Variants in C6orf62 observed in about 807,000 individuals in gnomAD.
C6orf62 encodes uncharacterized protein C6orf62.
Under a neutral mutation model 26.8 loss-of-function variants are expected in C6orf62, and 16 were observed. The observed-to-expected ratio is 0.60, with a 90% CI of 0.40 to 0.91. The LOEUF is 0.91. C6orf62 is among the 40% of genes least tolerant of loss of function. C6orf62 has a pLI of 0.00. For missense variants in C6orf62, 192 were observed against 271.4 expected (o/e 0.71, Z 2.06); for synonymous variants, 112 against 91.5 (o/e 1.22, Z -1.28).
intron 1 of C6orf62, among the ~76,000 whole-genome samples, chr6:24,717,912 T>C (rs1779266135): frequency 6.6e-6 from 1 of 152,212 alleles, no homozygotes; most frequent in Non-Finnish European, 1.5e-5. Flanking sequence ...CGGAACTAAT[T>C]CTGATTAAGA....
chr6:24,706,310 G>A (rs762458792), intron 4 of C6orf62, 48 bp from the exon 5 acceptor site: 41 of 1,601,480 alleles, frequency 2.6e-5, no homozygotes, highest in Middle Eastern at 1.7e-4. Context: ...AGACTTTAGC[G>A]TAACTGTCAC....
In C6orf62 at chr6:24,708,883, T is replaced by C; in HGVS notation, c.458A>G (p.Tyr153Cys). 3.7e-6 allele frequency: 6 copies of C among 1,614,170 alleles called. No individual in the cohort carries two copies. Among genetic ancestry groups the C allele is most frequent in the South Asian group, 1.1e-5 (1 of 91,076 alleles). ...QAKFEFHHGD[Y>C]EKQFLHVLSR... is the part of the protein sequence containing the mutation. ...CAGTACATGCAGAAACTGTTTTTCATAGTCACCATGATGAAACTCAAATTT... is the reference window on the plus strand; with the variant it reads ...CAGTACATGCAGAAACTGTTTTTCACAGTCACCATGATGAAACTCAAATTT... The change falls in exon 4 of 5, where the codon TAT becomes TGT. Residue 153 changes from tyrosine to cysteine, a missense_variant. Tyr to Cys is a radical substitution (Grantham distance 194, BLOSUM62 -2). Coordinates refer to ENST00000378119, the MANE Select transcript of C6orf62 (RefSeq NM_030939.5).
chr6:24,712,986 C>T (rs533174326), intron 3 of C6orf62, among the ~76,000 whole-genome samples: 1 of 152,318 alleles, frequency 6.6e-6, no homozygotes, highest in East Asian at 1.9e-4. Context: ...TTTTCTATTC[C>T]TGTTTTCATG....
intron 3 of C6orf62, among the ~76,000 whole-genome samples, chr6:24,713,772 T>C (rs972659605): frequency 6.6e-6 from 1 of 152,218 alleles, no homozygotes; most frequent in African/African-American, 2.4e-5. Context: ...AGGTTCAACA[T>C]GAGTAAATGC....
intron 4 of C6orf62, among the ~76,000 whole-genome samples, chr6:24,707,430 AC>A (rs764353134): frequency 8.6e-5 from 13 of 150,542 alleles, no homozygotes; most frequent in Non-Finnish European, 1.8e-4. Flanking sequence ...GCCATGGCTC[AC>A]TGCAACTCTA....
upstream of C6orf62, chr6:24,719,415 T>C: frequency 9.7e-7 from 1 of 1,030,808 alleles, no homozygotes; most frequent in Non-Finnish European, 1.2e-6. Flanking sequence ...TTCCCTGCAA[T>C]CAACTACAGT....
upstream of C6orf62, chr6:24,719,588 A>G: frequency 1.4e-6 from 2 of 1,383,240 alleles, no homozygotes; most frequent in Non-Finnish European, 1.9e-6. Flanking sequence ...ATAATACGGT[A>G]TTAATTATTC....
chr6:24,718,726 TTTC>T lies in C6orf62; in HGVS notation c.-61_-59del, dbSNP rs1779289533. On this transcript the variant is annotated 5_prime_UTR_variant, in exon 1 of 5. Coordinates refer to ENST00000378119, the MANE Select transcript of C6orf62 (RefSeq NM_030939.5). ...AATTGTCACTAAACTATGGGCACTT[TTTC>T]TTAAGACTCAAGTACAACAGAAACA... 24 of 1,598,234 alleles carry T rather than the reference TTTC, an allele frequency of 1.5e-5. No homozygotes were observed. Among genetic ancestry groups the T allele is most frequent in the Non-Finnish European group, 2.0e-5 (24 of 1,176,594 alleles).
intron 1 of C6orf62, 83 bp from the exon 2 acceptor site, chr6:24,716,407 T>C (rs1779231833): frequency 1.8e-5 from 17 of 956,826 alleles, no homozygotes. Context: ...TCATGTAACA[T>C]TAACTCCACA....
rs112053740 is a variant in C6orf62 at position 24,714,340 on chromosome 6, T to C, written c.407A>G (p.Asp136Gly). ...CLLFSRWKES[D>G]EPFRPVQAKF... ...TACCTGAACAGGCCTAAAAGGCTCA[T>C]CAGATTCTTTCCACCTAGAAAACAG... Residue 136 changes from aspartate to glycine, a missense_variant, in exon 3 of 5, where the codon GAT (aspartate) becomes GGT (glycine). Asp to Gly is a moderately conservative substitution (Grantham distance 94). Coordinates refer to ENST00000378119, the MANE Select transcript of C6orf62 (RefSeq NM_030939.5). 6.2e-7 allele frequency: 1 copy of C among 1,610,882 alleles called. No homozygotes were observed. The highest frequency in any genetic ancestry group is 8.5e-7 in the Non-Finnish European group (1 of 1,179,078).
chr6:24,714,263 A>AGTAGTTACTAGAAAAC lies in C6orf62; in HGVS notation c.429+54_429+55insGTTTTCTAGTAACTAC, dbSNP rs1160679478. ...AGAATTTCTCAAGTTAGACCCTATTATATTCTAGTAGTTTTCACATATTGA... is the reference window on the plus strand; with the variant it reads ...AGAATTTCTCAAGTTAGACCCTATTAGTAGTTACTAGAAAACTATTCTAGTAGTTTTCACATATTGA... On this transcript the variant is annotated intron_variant, in intron 3 of 4. Coordinates refer to ENST00000378119, the MANE Select transcript of C6orf62 (RefSeq NM_030939.5). 2.8e-6 allele frequency: 4 copies of AGTAGTTACTAGAAAAC among 1,423,816 alleles called. No homozygotes were observed. In the East Asian group the frequency reaches 9.5e-5, roughly 34 times the overall value. 88.2% of individuals were successfully genotyped at this position (1,423,816 alleles called of 1,614,324 possible).
intron 3 of C6orf62, chr6:24,710,564 C>A: frequency 1.0e-6 from 1 of 983,776 alleles, no homozygotes; most frequent in Non-Finnish European, 1.2e-6. Flanking sequence ...GCGCCCGGCC[C>A]AAATTGGGTT....
rs1323980291 is a variant in C6orf62 at position 24,718,536 on chromosome 6, T to C, written c.129+4A>G. 1 of 1,598,710 alleles carries C rather than the reference T, an allele frequency of 6.3e-7. No individual in the cohort carries two copies. The highest frequency in any genetic ancestry group is 1.3e-5 in the African/African-American group (1 of 74,132). ...CTAATTCACCATTAAGAACTTTAAA[T>C]TACCTTCTCCTTGAATACAAAGGCA... is the stretch of plus-strand genomic sequence containing the variant. On this transcript the variant is annotated splice_donor_region_variant and intron_variant, in intron 1 of 4. Transcript: ENST00000378119.
At chr6:24,720,319 G>A (rs974549350), upstream of C6orf62, 34 of 1,292,978 alleles carry the variant, frequency 2.6e-5, no homozygotes, top group African/African-American at 6.2e-5. Flanking sequence ...TGGTAGCACG[G>A]GCAGGAGCCA....
chr6:24,712,244 T>A (rs1779133779), intron 3 of C6orf62, among the ~76,000 whole-genome samples: 2 of 151,854 alleles, frequency 1.3e-5, no homozygotes, highest in Non-Finnish European at 2.9e-5. Flanking sequence ...TAGCTGGGTG[T>A]CATAGCATGC....
rs371307531 is a variant in C6orf62 at position 24,716,229 on chromosome 6, G to A, written c.225C>T (p.Ser75=). 1 of 1,613,278 alleles carries A rather than the reference G, an allele frequency of 6.2e-7. No homozygotes were observed. Among genetic ancestry groups the A allele is most frequent in the South Asian group, 1.1e-5 (1 of 91,070 alleles). The change falls in exon 2 of 5, where the codon AGC becomes AGT. Residue 75 remains serine (S), a synonymous_variant. Transcript: ENST00000378119. Reference sequence around the variant, plus strand: ...GCTCTAGGGAACTTTCCAAGGAATAGCTGGAATCTCGCACACCTTTCAGGA... The same window carrying A: ...GCTCTAGGGAACTTTCCAAGGAATAACTGGAATCTCGCACACCTTTCAGGA... The part of the protein sequence containing the change: ...ENILKGVRDS[S]YSLESSLELL...
At chr6:24,710,882 CT>C (rs1301829354) in intron 3 of C6orf62, among the ~76,000 whole-genome samples, 1 of 152,056 alleles carries the variant, frequency 6.6e-6, no homozygotes, top group Non-Finnish European at 1.5e-5. Context: ...GTCCCAGCTA[CT>C]CATGAGGTTG....
At chr6:24,707,101 G>A (rs939956548) in intron 4 of C6orf62, 1 of 152,168 alleles carries the variant, frequency 6.6e-6, no homozygotes, top group African/African-American at 2.4e-5. Flanking sequence ...TGACTTTGAA[G>A]ATGTCTGAAG....
At chr6:24,719,956 G>A (rs1373850848), upstream of C6orf62, 3 of 1,550,150 alleles carry the variant, frequency 1.9e-6, no homozygotes, top group Non-Finnish European at 1.7e-6. Context: ...GGGTAAATGG[G>A]AAGGTTCAGT....
Sources: allele counts gnomAD v4.1 joint callset (sites outside exome capture counted in the v4.1 genomes callset), GRCh38; gene constraint gnomAD v4.1.1; transcripts MANE v1.5; gene names NCBI Gene and HGNC (gene_info 2026-07-23, HGNC 2026-07-21).